The following PRRC1 variants were observed in gnomAD, a reference collection of about 807,000 sequenced individuals.
The protein encoded by PRRC1 is protein PRRC1.
In PRRC1, 39 loss-of-function variants were observed where a neutral mutation model predicts 40.7. That is an observed-to-expected ratio of 0.96 (90% confidence interval 0.74 to 1.25). The LOEUF (loss-of-function observed/expected upper bound fraction) is 1.25. Among genes scored for constraint, PRRC1 ranks in the 50% most tolerant of loss-of-function variants. The probability of loss-of-function intolerance (pLI) is 0.00; values close to 1 mark genes in which losing one functional copy is unlikely to be tolerated. For synonymous variants in PRRC1, 175 were observed against 193.3 expected, an observed-to-expected ratio of 0.91 and a Z score of 0.79; for missense variants, 573 against 548.3, an observed-to-expected ratio of 1.05 and a Z score of -0.45.
intron 8 of PRRC1, chr5:127,549,120 T>G (rs951879178): frequency 3.3e-5 from 5 of 151,138 alleles, no homozygotes; most frequent in African/African-American, 1.2e-4. Context: ...TGATTCAGCT[T>G]AATTGAAGCA....
At chr5:127,540,183 A>C (rs1768002883) in intron 7 of PRRC1, among the ~76,000 whole-genome samples, 1 of 152,124 alleles carries the variant, frequency 6.6e-6, no homozygotes, top group African/African-American at 2.4e-5. Flanking sequence ...ATAAGTTTCA[A>C]CTTTCTATGT....
intron 4 of PRRC1, 123 bp from the exon 5 acceptor site, chr5:127,530,171 A>G (rs1767729471): frequency 8.7e-6 from 6 of 687,564 alleles, no homozygotes; most frequent in South Asian, 6.2e-5. Context: ...GACCTTATAT[A>G]TCTTACAAAA....
At chr5:127,525,421 TAATC>T (rs767131601) in intron 3 of PRRC1, among the ~76,000 whole-genome samples, 1 of 152,246 alleles carries the variant, frequency 6.6e-6, no homozygotes, top group East Asian at 1.9e-4. Flanking sequence ...TTTATTCAAT[TAATC>T]AGTTAATGTT....
chr5:127,551,574 C>T (rs1768383108), intron 8 of PRRC1, 133 bp from the exon 9 acceptor site: 2 of 890,056 alleles, frequency 2.2e-6, no homozygotes, highest in Admixed American at 4.9e-5. Context: ...AGTTGGCAGC[C>T]TAGCTGTATT....
chr5:127,538,923 A>G (rs1241537493), intron 6 of PRRC1, 117 bp from the exon 7 acceptor site: 4 of 600,242 alleles, frequency 6.7e-6, no homozygotes, highest in Non-Finnish European at 1.1e-5. Flanking sequence ...GAACGTTTAC[A>G]GTGAGTATAT....
intron 6 of PRRC1, among the ~76,000 whole-genome samples, chr5:127,535,087 C>G (rs77693049): frequency 3.3e-5 from 5 of 151,668 alleles, no homozygotes; most frequent in Admixed American, 6.6e-5. Context: ...AGGGGAGATA[C>G]GATGGTTAGG....
intron 1 of PRRC1, among the ~76,000 whole-genome samples, chr5:127,519,245 G>A (rs900389489): frequency 2.0e-5 from 3 of 152,102 alleles, no homozygotes; most frequent in Admixed American, 1.3e-4. Flanking sequence ...CTCCAAAGGG[G>A]CATTTCTATC....
rs373046958 is a variant in PRRC1 at position 127,523,606 on chromosome 5, C to T, written c.103+24C>T. The T allele has an allele frequency of 7.6e-6, 11 of 1,448,752 alleles. No homozygotes were observed. In the East Asian group the frequency reaches 1.2e-4, roughly 15 times the overall value. 89.7% of individuals were successfully genotyped at this position (1,448,752 alleles called of 1,614,324 possible). ...AGGTACATGTAGTTGTCTAACATCT[C>T]GTGTGTTTTGAGAATAGTGAAGATA... On this transcript the variant is annotated intron_variant, in intron 2 of 8. Transcript: ENST00000296666.
rs749212893 is a variant in PRRC1, at chr5:127,551,931, G to A, written c.*15G>A. The A allele has an allele frequency of 6.2e-7, 1 of 1,613,446 alleles. No individual in the cohort carries two copies. Among genetic ancestry groups the A allele is most frequent in the Non-Finnish European group, 8.5e-7 (1 of 1,179,610 alleles). On this transcript the variant is annotated 3_prime_UTR_variant, in exon 9 of 9. Transcript: ENST00000296666. ...GGACAGTGTGAGAGGAGACCTACCT[G>A]GGAGACTGAGACTTTCCCCCACTTT...
intron 8 of PRRC1, chr5:127,550,416 A>G (rs1011703654): frequency 2.0e-5 from 3 of 152,184 alleles, no homozygotes; most frequent in African/African-American, 7.2e-5. Context: ...TAGAATTATC[A>G]GTATATATTA....
At chr5:127,520,567 T>G (rs555208963) in intron 1 of PRRC1, among the ~76,000 whole-genome samples, 25 of 152,320 alleles carry the variant, frequency 1.6e-4, no homozygotes, top group Non-Finnish European at 3.1e-4. Context: ...TTCAAAAGGT[T>G]ATATGCTGTA....
intron 4 of PRRC1, among the ~76,000 whole-genome samples, chr5:127,527,182 T>C (rs1767641214): frequency 6.6e-6 from 1 of 152,256 alleles, no homozygotes; most frequent in Non-Finnish European, 1.5e-5. Context: ...TAATTATTTT[T>C]TTTAAATTAG....
chr5:127,534,857 C>T (rs1172605268), intron 6 of PRRC1, among the ~76,000 whole-genome samples: 1 of 152,232 alleles, frequency 6.6e-6, no homozygotes, highest in Non-Finnish European at 1.5e-5. Flanking sequence ...CTTTCCTCCA[C>T]ACTTGCTCCC....
intron 6 of PRRC1, among the ~76,000 whole-genome samples, chr5:127,536,297 GA>G (rs35150955): frequency 0.44 from 65,684 of 148,346 alleles, 15,477 homozygotes; most frequent in East Asian, 0.62. Flanking sequence ...ATCTAGAAAT[GA>G]AAAAAAAAAT....
Position 127,553,948 on chromosome 5 carries a change from A to G in PRRC1, c.*2032A>G, listed in dbSNP as rs418657. 479,029 of 1,527,542 alleles carry G rather than the reference A, an allele frequency of 0.31. 77,455 individuals are homozygous for G. Among genetic ancestry groups the G allele is most frequent in the East Asian group, 0.52 (21,177 of 40,752 alleles). The allele number at this position is 1,527,542 out of a possible 1,614,324, so 94.6% of individuals were successfully genotyped here. On this transcript the variant is annotated 3_prime_UTR_variant, in exon 9 of 9. Coordinates refer to ENST00000296666, the MANE Select transcript of PRRC1 (RefSeq NM_130809.5). Reference sequence around the variant, plus strand: ...TGAGAGATGGTCAGATGGAAGAGAGAAATACATGAACTGCTCTGGCCTCTC... The same window carrying G: ...TGAGAGATGGTCAGATGGAAGAGAGGAATACATGAACTGCTCTGGCCTCTC...
At chr5:127,543,233 G>A (rs571592304) in intron 7 of PRRC1, among the ~76,000 whole-genome samples, 3 of 152,230 alleles carry the variant, frequency 2.0e-5, no homozygotes, top group Admixed American at 6.5e-5. Context: ...AGTTTCTGCC[G>A]AGAGATCTGC....
Position 127,554,416 on chromosome 5 carries a change from G to A in PRRC1, c.*2500G>A, listed in dbSNP as rs562286973. The A allele has an allele frequency of 2.0e-5, 3 of 151,804 alleles. No homozygotes were observed. Among genetic ancestry groups the A allele is most frequent in the African/African-American group, 7.3e-5 (3 of 41,350 alleles). The allele number at this position is 151,804 out of a possible 1,614,324, so 9.4% of individuals were successfully genotyped here. A position where few individuals can be genotyped will look rare whatever the true frequency, so the allele number is the denominator to read the frequency against. Reference sequence around the variant, plus strand: ...GAACTCCTGGTTGTTATTGGATTTTGTATTTTAATACAAATTATTGAATTT... The same window carrying A: ...GAACTCCTGGTTGTTATTGGATTTTATATTTTAATACAAATTATTGAATTT... On this transcript the variant is annotated 3_prime_UTR_variant, in exon 9 of 9. Coordinates refer to ENST00000296666, the MANE Select transcript of PRRC1 (RefSeq NM_130809.5).
Position 127,525,627 on chromosome 5 carries a change from G to A in PRRC1, c.493+707G>A, listed in dbSNP as rs114448916. Among the ~76,000 whole-genome samples, 507 of 152,164 alleles carry A rather than the reference G, an allele frequency of 3.3e-3. 2 individuals carry two copies. The highest frequency in any genetic ancestry group is 0.012 in the African/African-American group (489 of 41,506). ...TTTTACCTTCTTATTAGCAGTGGGC[G>A]GGGTCCCACTTTCTCTGCATTAATG... is the stretch of plus-strand genomic sequence containing the variant. On this transcript the variant is annotated intron_variant, in intron 3 of 8. Coordinates refer to ENST00000296666, the MANE Select transcript of PRRC1 (RefSeq NM_130809.5).
intron 8 of PRRC1, 56 bp downstream of exon 8, chr5:127,547,977 T>C: frequency 1.8e-6 from 2 of 1,124,980 alleles, no homozygotes; most frequent in East Asian, 2.3e-5. Flanking sequence ...CACTATTGTT[T>C]TCAGAATAAA....
Sources: gnomAD v4.1 joint callset for allele counts (sites outside exome capture counted in the v4.1 genomes callset) on GRCh38, gnomAD v4.1.1 for gene constraint, MANE v1.5 for transcripts, NCBI Gene and HGNC (gene_info 2026-07-23, HGNC 2026-07-21) for gene names.